FAM217A: variants seen among roughly 807,000 people sequenced by gnomAD.
FAM217A encodes family with sequence similarity 217 member A, also known as protein FAM217A.
FAM217A carries 13 observed loss-of-function variants against 18.5 expected under a neutral mutation model. That is an observed-to-expected ratio of 0.70 (90% CI 0.46 to 1.12). The LOEUF is 1.12. FAM217A is among the 50% of genes most tolerant of loss of function. The pLI is 0.00. For missense variants in FAM217A, 560 were observed against 575.4 expected, an observed-to-expected ratio of 0.97 and a Z score of 0.27; for synonymous variants, 161 against 202.8, an observed-to-expected ratio of 0.79 and a Z score of 1.75.
chr6:4,078,327 C>T (rs1190469707), intron 1 of FAM217A, among the ~76,000 whole-genome samples: 2 of 152,302 alleles, frequency 1.3e-5, no homozygotes, highest in East Asian at 3.9e-4. Context: ...GCTGGGATTA[C>T]AGGCGTGATC....
chr6:4,085,311 A>AAAAAATATAT (rs377046907), intron 1 of FAM217A, among the ~76,000 whole-genome samples: 26 of 146,436 alleles, frequency 1.8e-4, no homozygotes, highest in East Asian at 1.6e-3. Context: ...TGTAAAAAAA[A>AAAAAATATAT]ATATATATAT....
chr6:4,071,587 G>A (rs1159626685), intron 6 of FAM217A, among the ~76,000 whole-genome samples: 1 of 152,076 alleles, frequency 6.6e-6, no homozygotes, highest in East Asian at 1.9e-4. Context: ...GCATTCTACC[G>A]CCTCCATTTG....
intron 2 of FAM217A, among the ~76,000 whole-genome samples, chr6:4,076,782 C>T (rs967423853): frequency 6.6e-6 from 1 of 152,144 alleles, no homozygotes; most frequent in Non-Finnish European, 1.5e-5. Context: ...GCAGGAGAAT[C>T]GCTTGAACCC....
At chr6:4,080,220 G>A (rs1008298704), upstream of FAM217A, among the ~76,000 whole-genome samples, 1 of 152,094 alleles carries the variant, frequency 6.6e-6, no homozygotes, top group Non-Finnish European at 1.5e-5. Flanking sequence ...TCTTTCCTCT[G>A]CATTTCCATT....
At chr6:4,073,213 T>C (rs1769540115) in intron 6 of FAM217A, 62 bp downstream of exon 6, 1 of 1,241,802 alleles carries the variant, frequency 8.1e-7, no homozygotes, top group Middle Eastern at 2.8e-4. Flanking sequence ...CAAATAGTTA[T>C]CTCATGTGTA....
chr6:4,074,027 A>AT (rs1306487681), intron 4 of FAM217A, among the ~76,000 whole-genome samples: 1 of 151,784 alleles, frequency 6.6e-6, no homozygotes, highest in Non-Finnish European at 1.5e-5. Context: ...ATTTTTTTGT[A>AT]TTTTTGTAGA....
rs1769174125 is a variant in FAM217A at position 4,068,529 on chromosome 6, A to T, written c.*167T>A. ...TAGAAGCCTGTGGGTTTATATATAG[A>T]CATCTCAGCAGTGCTTTTCACAAGT... On this transcript the variant is annotated 3_prime_UTR_variant, in exon 7 of 7. Transcript: ENST00000274673. The T allele has an allele frequency of 3.2e-6, 2 of 627,836 alleles. No homozygotes were observed. The highest frequency in any genetic ancestry group is 5.2e-6 in the Non-Finnish European group (2 of 382,806). The allele number at this position is 627,836 out of a possible 1,614,324, so 38.9% of individuals were successfully genotyped here. A position where few individuals can be genotyped will look rare whatever the true frequency, so the allele number is the denominator to read the frequency against.
At chr6:4,080,889 A>C (rs1230144834), upstream of FAM217A, among the ~76,000 whole-genome samples, 1 of 149,846 alleles carries the variant, frequency 6.7e-6, no homozygotes, top group Non-Finnish European at 1.5e-5. Context: ...TTGTTCAGGA[A>C]GTGTAATTAC....
At chr6:4,083,220 C>T (rs1056193368), upstream of FAM217A, among the ~76,000 whole-genome samples, 1 of 152,198 alleles carries the variant, frequency 6.6e-6, no homozygotes, top group Non-Finnish European at 1.5e-5. Context: ...CTTAGTAGTC[C>T]AGTAAGCACA....
At chr6:4,071,605 C>T (rs2113859460) in intron 6 of FAM217A, among the ~76,000 whole-genome samples, 1 of 152,276 alleles carries the variant, frequency 6.6e-6, no homozygotes, top group East Asian at 1.9e-4. Flanking sequence ...TTGTTTGCTC[C>T]TCTGCTACTG....
At chr6:4,078,735 C>A in intron 1 of FAM217A, 117 bp downstream of exon 1, 1 of 401,618 alleles carries the variant, frequency 2.5e-6, no homozygotes, top group South Asian at 9.2e-5. Context: ...CGCAAGGCCC[C>A]CGTGAAGAGG....
upstream of FAM217A, among the ~76,000 whole-genome samples, chr6:4,081,548 GTGA>G (rs1770301657): frequency 1.3e-5 from 2 of 152,186 alleles, no homozygotes; most frequent in African/African-American, 4.8e-5. Context: ...CTGACTTCAG[GTGA>G]TCTGCTGGCC....
At position 4,069,100 on chromosome 6, in the gene FAM217A, C is replaced by T. The variant is rs1309926798; in HGVS notation, c.1123G>A (p.Gly375Ser). ...NALKRNWSNAGKYRWNSRPLS... is the reference protein window; with the variant it reads ...NALKRNWSNASKYRWNSRPLS... ...GGTCTAGAATTCCATCTATATTTGC[C>T]AGCATTGCTCCAATTCCGTTTTAAA... Residue 375 changes from glycine to serine, a missense_variant, in exon 7 of 7, where the codon GGC (glycine) becomes AGC (serine). Gly to Ser is a moderately conservative substitution (Grantham distance 56, BLOSUM62 0). Coordinates refer to ENST00000274673, the MANE Select transcript of FAM217A (RefSeq NM_173563.3). The T allele has an allele frequency of 7.4e-6, 12 of 1,614,040 alleles. No individual in the cohort carries two copies. Among genetic ancestry groups the T allele is most frequent in the Non-Finnish European group, 9.3e-6 (11 of 1,180,040 alleles).
In FAM217A at chr6:4,068,606, A is replaced by C; in HGVS notation, c.*90T>G. ...GTTTGGTGATTTTGGGGGACTGTTA[A>C]TAGTACCTGTGTCTTGGAATAATTA... is the stretch of plus-strand genomic sequence containing the variant. On this transcript the variant is annotated 3_prime_UTR_variant, in exon 7 of 7. Transcript: ENST00000274673. The C allele has an allele frequency of 2.1e-6, 3 of 1,423,702 alleles. No individual in the cohort carries two copies. The highest frequency in any genetic ancestry group is 2.8e-6 in the Non-Finnish European group (3 of 1,059,856). The allele number at this position is 1,423,702 out of a possible 1,614,324, so 88.2% of individuals were successfully genotyped here.
chr6:4,077,463 G>T lies in FAM217A; in HGVS notation c.-34-15C>A. On this transcript the variant is annotated splice_polypyrimidine_tract_variant and intron_variant, in intron 1 of 6. Coordinates refer to ENST00000274673, the MANE Select transcript of FAM217A (RefSeq NM_173563.3). ...TCCTTAAAATCCTACACAGATTGCGGGATAGGCACATTTATGGGTAAGGGT... is the reference window on the plus strand; with the variant it reads ...TCCTTAAAATCCTACACAGATTGCGTGATAGGCACATTTATGGGTAAGGGT... The T allele has an allele frequency of 1.3e-6, 2 of 1,591,176 alleles. No homozygotes were observed. Among genetic ancestry groups the T allele is most frequent in the Non-Finnish European group, 1.7e-6 (2 of 1,159,210 alleles).
chr6:4,083,233 T>G (rs1770418463), upstream of FAM217A, among the ~76,000 whole-genome samples: 1 of 152,230 alleles, frequency 6.6e-6, no homozygotes, highest in Admixed American at 6.5e-5. Context: ...TAAGCACAGC[T>G]TGCTGCCCAC....
In FAM217A at chr6:4,068,448, C is replaced by A; in HGVS notation, c.*248G>T. Reference sequence around the variant, plus strand: ...TAGCCTTTTGAATAGAATAGTCTACCAAGTGAACCATTTACTTGAAACACA... The same window carrying A: ...TAGCCTTTTGAATAGAATAGTCTACAAAGTGAACCATTTACTTGAAACACA... On this transcript the variant is annotated 3_prime_UTR_variant, in exon 7 of 7. Coordinates refer to ENST00000274673, the MANE Select transcript of FAM217A (RefSeq NM_173563.3). The A allele has an allele frequency of 5.3e-6, 2 of 377,814 alleles. No homozygotes were observed. Among genetic ancestry groups the A allele is most frequent in the East Asian group, 4.2e-5 (1 of 23,994 alleles). The allele number at this position is 377,814 out of a possible 1,614,324, so 23.4% of individuals were successfully genotyped here.
At chr6:4,080,842 G>A (rs1288265134), upstream of FAM217A, among the ~76,000 whole-genome samples, 1 of 149,720 alleles carries the variant, frequency 6.7e-6, no homozygotes, top group Non-Finnish European at 1.5e-5. Context: ...CTAAATTCTA[G>A]TCATTACACT....
At chr6:4,078,384 G>T (rs895435861) in intron 1 of FAM217A, among the ~76,000 whole-genome samples, 1 of 152,086 alleles carries the variant, frequency 6.6e-6, no homozygotes, top group Non-Finnish European at 1.5e-5. Context: ...CGCAGTAATC[G>T]GTCTATCTGC....
Sources: gnomAD v4.1 joint callset for allele counts (sites outside exome capture counted in the v4.1 genomes callset) on GRCh38, gnomAD v4.1.1 for gene constraint, MANE v1.5 for transcripts, NCBI Gene and HGNC (gene_info 2026-07-23, HGNC 2026-07-21) for gene names.